The following TRMT1L variants were observed in gnomAD, a reference collection of about 807,000 sequenced individuals.
TRMT1L encodes tRNA methyltransferase 1L.
Under a neutral mutation model 81.6 loss-of-function variants are expected in TRMT1L, and 28 were observed. That is an observed-to-expected ratio of 0.34 (90% confidence interval 0.25 to 0.47). TRMT1L has a LOEUF of 0.47. Ranked by LOEUF, TRMT1L falls within the 20% of genes least tolerant of loss-of-function variation. The probability of loss-of-function intolerance (pLI) is 1.00; values close to 1 mark genes in which losing one functional copy is unlikely to be tolerated. For synonymous variants in TRMT1L, 301 were observed against 303.2 expected, an observed-to-expected ratio of 0.99 and a Z score of 0.07; for missense variants, 739 against 877.1, an observed-to-expected ratio of 0.84 and a Z score of 1.99.
intron 7 of TRMT1L, among the ~76,000 whole-genome samples, chr1:185,140,969 CAAAAAAA>C (rs538571932): frequency 1.1e-5 from 1 of 88,924 alleles, no homozygotes; most frequent in African/African-American, 4.0e-5. Flanking sequence ...GACCCTATCT[CAAAAAAA>C]AAAAAAAAAC....
chr1:185,137,622 A>AT lies in TRMT1L; in HGVS notation c.1496dup (p.Asp499GlufsTer3). On this transcript the variant is annotated frameshift_variant, in exon 10 of 15. Transcript: ENST00000367506. LOFTEE classifies it high-confidence loss of function. The stretch of plus-strand genomic sequence containing the variant: ...TGAATTTACCTTCTACCATATTACC[A>AT]TCCTTCTGAAAAATTCTCTCTTCAC... The AT allele has an allele frequency of 6.2e-7, 1 of 1,613,932 alleles. No homozygotes were observed. The highest frequency in any genetic ancestry group is 8.5e-7 in the Non-Finnish European group (1 of 1,179,966).
intron 4 of TRMT1L, among the ~76,000 whole-genome samples, chr1:185,146,979 T>A (rs897555991): frequency 5.9e-5 from 9 of 152,066 alleles, no homozygotes; most frequent in African/African-American, 2.2e-4. Context: ...AACTAAAAAC[T>A]GTAAAATGAG....
chr1:185,133,090 T>C (rs1417097517), intron 10 of TRMT1L, among the ~76,000 whole-genome samples: 5 of 152,162 alleles, frequency 3.3e-5, no homozygotes, highest in Admixed American at 1.3e-4. Flanking sequence ...GAAGGAAGCA[T>C]TGAAAATGTA....
chr1:185,157,070 T>G (rs1355501856), upstream of TRMT1L: 4 of 264,932 alleles, frequency 1.5e-5, no homozygotes, highest in Non-Finnish European at 2.9e-5. Flanking sequence ...GAACAAAGAC[T>G]ACAGCACCCA....
intron 1 of TRMT1L, 63 bp downstream of exon 1, chr1:185,156,415 A>G: frequency 4.3e-6 from 7 of 1,612,848 alleles, no homozygotes; most frequent in Non-Finnish European, 5.9e-6. Context: ...GGCCTCCCCT[A>G]CTTCCCAGCA....
In TRMT1L at chr1:185,137,522, A is replaced by G; in HGVS notation, c.1513+84T>C. On this transcript the variant is annotated intron_variant, in intron 10 of 14. Coordinates refer to ENST00000367506, the MANE Select transcript of TRMT1L (RefSeq NM_030934.5). The stretch of plus-strand genomic sequence containing the variant: ...GCACTGTAATCTTTAAAATCAAAGG[A>G]CAACAATATGTATAATTAGGTATGT... The G allele has an allele frequency of 2.2e-6, 3 of 1,348,974 alleles. No individual in the cohort carries two copies. In the East Asian group the frequency reaches 6.9e-5, roughly 31 times the overall value. The allele number at this position is 1,348,974 out of a possible 1,614,324, so 83.6% of individuals were successfully genotyped here. A position where few individuals can be genotyped will look rare whatever the true frequency, so the allele number is the denominator to read the frequency against.
chr1:185,156,555 G>A lies in TRMT1L; in HGVS notation c.158C>T (p.Pro53Leu). 3 of 1,605,110 alleles carry A rather than the reference G, an allele frequency of 1.9e-6. No homozygotes were observed. Among genetic ancestry groups the A allele is most frequent in the African/African-American group, 2.7e-5 (2 of 74,728 alleles). ...LDSAPTPASA[P>L]APAPALAQAP... ...CTGGGCCAGGGCAGGGGCTGGGGCTGGAGCCGAGGCCGGAGTCGGAGCCGA... is the reference window on the plus strand; with the variant it reads ...CTGGGCCAGGGCAGGGGCTGGGGCTAGAGCCGAGGCCGGAGTCGGAGCCGA... Residue 53 changes from proline to leucine, a missense_variant, in exon 1 of 15, where the codon CCA (proline) becomes CTA (leucine). Physicochemically the swap from Pro to Leu is moderately conservative, Grantham distance 98. Coordinates refer to ENST00000367506, the MANE Select transcript of TRMT1L (RefSeq NM_030934.5).
chr1:185,128,586 T>G (rs750961974), intron 11 of TRMT1L, 83 bp downstream of exon 11: 5 of 1,318,548 alleles, frequency 3.8e-6, no homozygotes, highest in Non-Finnish European at 5.4e-6. Flanking sequence ...AAATTTGTCT[T>G]TTACCACACA....
chr1:185,139,893 T>G, intron 8 of TRMT1L, 80 bp downstream of exon 8: 1 of 1,452,888 alleles, frequency 6.9e-7, no homozygotes, highest in Non-Finnish European at 9.3e-7. Context: ...AACAAAAAAC[T>G]GTCTTAATTT....
chr1:185,132,390 G>T (rs1652792844), intron 10 of TRMT1L, among the ~76,000 whole-genome samples: 4 of 151,750 alleles, frequency 2.6e-5, no homozygotes, highest in Admixed American at 2.6e-4. Flanking sequence ...ATGGTGGCAT[G>T]TGCCTGTAAT....
intron 13 of TRMT1L, among the ~76,000 whole-genome samples, chr1:185,121,200 T>A (rs759732987): frequency 2.0e-5 from 3 of 152,214 alleles, no homozygotes; most frequent in Non-Finnish European, 4.4e-5. Context: ...AATACTATAA[T>A]GAGATTTTGC....
chr1:185,155,067 T>C (rs1653457580), intron 1 of TRMT1L, among the ~76,000 whole-genome samples: 1 of 152,268 alleles, frequency 6.6e-6, no homozygotes, highest in Non-Finnish European at 1.5e-5. Context: ...TTAGTTCTAA[T>C]GCATTTCAGA....
intron 10 of TRMT1L, among the ~76,000 whole-genome samples, chr1:185,132,684 G>A (rs1316764487): frequency 1.3e-5 from 2 of 151,890 alleles, no homozygotes; most frequent in Non-Finnish European, 2.9e-5. Flanking sequence ...CATTCAGAGA[G>A]AAAATAATAT....
chr1:185,154,913 C>CTT (rs150862037), intron 1 of TRMT1L, among the ~76,000 whole-genome samples: 6,021 of 152,202 alleles, frequency 0.04, 173 homozygotes, highest in Non-Finnish European at 0.057. Context: ...CTAGGAGGGT[C>CTT]TTTTACAACT....
chr1:185,144,071 T>G (rs774902740), intron 5 of TRMT1L, 42 bp from the exon 6 acceptor site: 6 of 1,537,314 alleles, frequency 3.9e-6, no homozygotes, highest in Middle Eastern at 1.7e-4. Context: ...AAACACAAAA[T>G]AATTCTAAAC....
In TRMT1L at chr1:185,145,463, C is replaced by G. The variant is rs756722870; in HGVS notation, c.631G>C (p.Glu211Gln). 1 of 1,611,412 alleles carries G rather than the reference C, an allele frequency of 6.2e-7. No individual in the cohort carries two copies. Among genetic ancestry groups the G allele is most frequent in the Non-Finnish European group, 8.5e-7 (1 of 1,178,190 alleles). ...CCTGCAATATAACTAGATTTAGTCTCTCCTTTATTCATGTGGCGCCTAACA... is the reference window on the plus strand; with the variant it reads ...CCTGCAATATAACTAGATTTAGTCTGTCCTTTATTCATGTGGCGCCTAACA... ...GHVRRHMNKGETKSSYIAAST... is the reference protein window; with the variant it reads ...GHVRRHMNKGQTKSSYIAAST... Residue 211 changes from glutamate to glutamine, a missense_variant, in exon 5 of 15, where the codon GAG becomes CAG. This residue lies in a region of TRMT1L where 331 missense variants were observed against 462.2 expected (regional missense o/e 0.72). Transcript: ENST00000367506.
intron 2 of TRMT1L, among the ~76,000 whole-genome samples, 162 bp downstream of exon 2, chr1:185,151,663 A>G (rs1413621313): frequency 6.6e-6 from 1 of 152,188 alleles, no homozygotes; most frequent in Admixed American, 6.5e-5. Context: ...GCAACTTTGC[A>G]CATAAGCGGT....
At chr1:185,129,367 T>C (rs980288099) in intron 10 of TRMT1L, among the ~76,000 whole-genome samples, 53 of 152,312 alleles carry the variant, frequency 3.5e-4, no homozygotes, top group African/African-American at 1.2e-3. Flanking sequence ...CTTCAAAATG[T>C]AGGCTAGAAG....
At chr1:185,156,446 G>A in intron 1 of TRMT1L, 32 bp downstream of exon 1, 1 of 1,613,708 alleles carries the variant, frequency 6.2e-7, no homozygotes, top group South Asian at 1.1e-5. Flanking sequence ...TCTCTCTTCT[G>A]CAGCAGAAAG....
Sources: allele counts gnomAD v4.1 joint callset (sites outside exome capture counted in the v4.1 genomes callset), GRCh38; gene constraint gnomAD v4.1.1; regional missense constraint gnomAD v4.1.1; transcripts MANE v1.5; gene names NCBI Gene and HGNC (gene_info 2026-07-23, HGNC 2026-07-21).